The following PRKG1 variants were observed in gnomAD, a reference collection of about 807,000 sequenced individuals.
The protein encoded by PRKG1 is cGMP-dependent protein kinase 1.
PRKG1 carries 35 observed loss-of-function variants against 88.1 expected under a neutral mutation model. That is an observed-to-expected ratio of 0.40 (90% CI 0.30 to 0.53). PRKG1 has a LOEUF of 0.53. PRKG1 is among the 20% of genes least tolerant of loss of function. The pLI, the probability that PRKG1 is intolerant of heterozygous loss-of-function variation, is 0.59. For missense variants in PRKG1, 540 were observed against 839.8 expected (o/e 0.64, Z 4.41); for synonymous variants, 303 against 292.5 (o/e 1.04, Z -0.37).
intron 3 of PRKG1, among the ~76,000 whole-genome samples, chr10:51,488,043 G>A (rs1456657137): frequency 6.6e-6 from 1 of 152,070 alleles, no homozygotes; most frequent in Non-Finnish European, 1.5e-5. Context: ...GGATTAAAAT[G>A]AGACTACATT....
intron 5 of PRKG1, among the ~76,000 whole-genome samples, chr10:51,998,102 A>G (rs1263338715): frequency 6.6e-6 from 1 of 152,210 alleles, no homozygotes; most frequent in African/African-American, 2.4e-5. Context: ...TATATTTAAA[A>G]TCATGAAAAG....
intron 5 of PRKG1, chr10:51,911,228 T>A (rs1842208232): frequency 6.6e-6 from 1 of 152,140 alleles, no homozygotes; most frequent in African/African-American, 2.4e-5. Context: ...TTGCTTTTTT[T>A]ATTGAATACA....
At chr10:51,859,025 G>A (rs141107196) in intron 4 of PRKG1, among the ~76,000 whole-genome samples, 1 of 152,086 alleles carries the variant, frequency 6.6e-6, no homozygotes, top group East Asian at 1.9e-4. Flanking sequence ...TGGCCTGCTC[G>A]ATAGAACAAA....
rs531331384 is a variant in PRKG1, at chr10:51,876,200, T to G, written c.699-31307T>G. ...CCCCACATCCATGAACACATTTATGTGCATAGATATGTATATTTGTGTTAC... is the reference window on the plus strand; with the variant it reads ...CCCCACATCCATGAACACATTTATGGGCATAGATATGTATATTTGTGTTAC... On this transcript the variant is annotated intron_variant, in intron 4 of 17. Coordinates refer to ENST00000373980, the MANE Select transcript of PRKG1 (RefSeq NM_006258.4). Among the ~76,000 whole-genome samples, 10 of 150,960 alleles carry G rather than the reference T, an allele frequency of 6.6e-5. No homozygotes were observed. The South Asian group carries it at 2.1e-3, about 31-fold the overall frequency.
chr10:51,701,541 T>C (rs1841466747), intron 3 of PRKG1, among the ~76,000 whole-genome samples: 1 of 152,238 alleles, frequency 6.6e-6, no homozygotes, highest in Middle Eastern at 3.2e-3. Context: ...CTAGCAATGT[T>C]TCCCCAGTGT....
At chr10:52,205,169 C>T (rs902276101) in intron 9 of PRKG1, among the ~76,000 whole-genome samples, 8 of 152,108 alleles carry the variant, frequency 5.3e-5, no homozygotes, top group Non-Finnish European at 1.0e-4. Flanking sequence ...CCTGACAATG[C>T]GTGCACAGCA....
At position 52,244,009 on chromosome 10, in the gene PRKG1, A is replaced by G. The variant is rs74135378; in HGVS notation, c.1077-7561A>G. Reference sequence around the variant, plus strand: ...TAACGTTATCTCAAATTCCCTGAAGAAGAGATTATATTTTCCAGAGTAAAT... The same window carrying G: ...TAACGTTATCTCAAATTCCCTGAAGGAGAGATTATATTTTCCAGAGTAAAT... On this transcript the variant is annotated intron_variant, in intron 9 of 17. Transcript: ENST00000373980. 8.1e-3 allele frequency among the ~76,000 whole-genome samples: 1,230 copies of G among 152,224 alleles called. 15 individuals are homozygous for G. The highest frequency in any genetic ancestry group is 0.028 in the African/African-American group (1,166 of 41,562).
chr10:51,176,411 A>T (rs912204200), intron 2 of PRKG1, among the ~76,000 whole-genome samples: 1 of 152,132 alleles, frequency 6.6e-6, no homozygotes, highest in Non-Finnish European at 1.5e-5. Context: ...TTTAGCATAT[A>T]TAAATATGAG....
At chr10:51,024,672 A>G (rs1843184105) in intron 1 of PRKG1, among the ~76,000 whole-genome samples, 1 of 152,200 alleles carries the variant, frequency 6.6e-6, no homozygotes, top group Non-Finnish European at 1.5e-5. Flanking sequence ...TACAGGAAGC[A>G]TGGCTGTGGA....
At chr10:51,645,279 C>T (rs921849960) in intron 3 of PRKG1, among the ~76,000 whole-genome samples, 3 of 152,094 alleles carry the variant, frequency 2.0e-5, no homozygotes, top group East Asian at 1.9e-4. Context: ...TATAAAGCAG[C>T]GTACATTTCA....
At chr10:51,909,560 G>A (rs979784880) in intron 5 of PRKG1, 6 of 151,870 alleles carry the variant, frequency 4.0e-5, no homozygotes, top group Non-Finnish European at 5.9e-5. Flanking sequence ...TTGGATATAC[G>A]TGAACAGTGG....
intron 2 of PRKG1, among the ~76,000 whole-genome samples, chr10:51,446,593 C>T (rs540670924): frequency 6.6e-6 from 1 of 152,130 alleles, no homozygotes; most frequent in Middle Eastern, 3.4e-3. Context: ...TTTCATCTGC[C>T]TCAAGAACCA....
chr10:52,054,718 A>C (rs1341215512), intron 6 of PRKG1, among the ~76,000 whole-genome samples, 157 bp downstream of exon 6: 6 of 152,194 alleles, frequency 3.9e-5, no homozygotes, highest in Non-Finnish European at 8.8e-5. Flanking sequence ...AAAATGATGC[A>C]GGAGGGAAAA....
chr10:52,286,171 T>C (rs1316788997), intron 14 of PRKG1, among the ~76,000 whole-genome samples: 1 of 152,078 alleles, frequency 6.6e-6, no homozygotes, highest in African/African-American at 2.4e-5. Flanking sequence ...AATAGTCTTA[T>C]TGGCATCAAA....
At chr10:51,409,381 G>A (rs764723133) in intron 2 of PRKG1, among the ~76,000 whole-genome samples, 25 of 152,156 alleles carry the variant, frequency 1.6e-4, no homozygotes, top group Non-Finnish European at 3.4e-4. Flanking sequence ...ACCTGCTCGA[G>A]CCTGATCACA....
intron 4 of PRKG1, among the ~76,000 whole-genome samples, chr10:51,854,565 G>A (rs1840633586): frequency 6.6e-6 from 1 of 152,016 alleles, no homozygotes; most frequent in Non-Finnish European, 1.5e-5. Context: ...AGATCTCTAT[G>A]TACTAAAATG....
At chr10:52,009,310 C>A (rs1342640930) in intron 5 of PRKG1, among the ~76,000 whole-genome samples, 2 of 152,114 alleles carry the variant, frequency 1.3e-5, no homozygotes, top group Middle Eastern at 3.2e-3. Context: ...ATCTGAGGAA[C>A]AACTTCAGTA....
chr10:51,720,088 C>T (rs907132043), intron 3 of PRKG1, among the ~76,000 whole-genome samples: 1 of 151,916 alleles, frequency 6.6e-6, no homozygotes, highest in Non-Finnish European at 1.5e-5. Context: ...GAGAGAGGGG[C>T]GGGAAAAGAG....
rs192249405 is a variant in PRKG1 at position 51,317,078 on chromosome 10, A to G, written c.479-150645A>G. Among the ~76,000 whole-genome samples the G allele has an allele frequency of 7.9e-5, 12 of 152,306 alleles. No homozygotes were observed. The East Asian group carries it at 2.3e-3, about 29-fold the overall frequency. On this transcript the variant is annotated intron_variant, in intron 2 of 17. Transcript: ENST00000373980. ...CAAGATGTAATTTAATGGGTATGAA[A>G]GGTCTTTTATTTTTTCCCCTTCACA...
Sources: gnomAD v4.1 joint callset for allele counts (sites outside exome capture counted in the v4.1 genomes callset) on GRCh38, gnomAD v4.1.1 for gene constraint, MANE v1.5 for transcripts, NCBI Gene and HGNC (gene_info 2026-07-23, HGNC 2026-07-21) for gene names.